Variants in PHAX observed in about 807,000 individuals in gnomAD.
PHAX encodes the protein phosphorylated adapter RNA export protein.
PHAX carries 31 observed loss-of-function variants against 41.6 expected under a neutral mutation model. The ratio of observed to expected loss-of-function variants is 0.75; its 90% CI spans 0.56 to 1.01. The LOEUF is 1.01. PHAX is among the 50% of genes least tolerant of loss of function. The probability of loss-of-function intolerance (pLI) is 0.00; values close to 1 mark genes in which losing one functional copy is unlikely to be tolerated. For synonymous variants in PHAX, 175 were observed against 164.9 expected (o/e 1.06, Z -0.47); for missense variants, 453 against 472.9 (o/e 0.96, Z 0.39).
chr5:126,624,445 T>A (rs367808995), intron 4 of PHAX, 130 bp from the exon 5 acceptor site: 29 of 754,292 alleles, frequency 3.8e-5, no homozygotes, highest in South Asian at 2.1e-4. Context: ...GAACTCCATC[T>A]TAATAATGAG....
chr5:126,602,192 C>G (rs1043786894), intron 1 of PHAX, among the ~76,000 whole-genome samples: 2 of 152,234 alleles, frequency 1.3e-5, no homozygotes, highest in African/African-American at 2.4e-5. Flanking sequence ...AGTGATCCAC[C>G]CGCCTCGGCC....
chr5:126,626,524 G>C lies in PHAX; in HGVS notation c.*1680G>C, dbSNP rs1298220142. Reference sequence around the variant, plus strand: ...GAGGTGGAGGCGGGTGGATCACAAGGTCAAGAGATCGAGACCATCCTGGCC... The same window carrying C: ...GAGGTGGAGGCGGGTGGATCACAAGCTCAAGAGATCGAGACCATCCTGGCC... On this transcript the variant is annotated 3_prime_UTR_variant, in exon 5 of 5. Transcript: ENST00000297540. 6.7e-6 allele frequency: 1 copy of C among 150,172 alleles called. No homozygotes were observed. Among genetic ancestry groups the C allele is most frequent in the Non-Finnish European group, 1.5e-5 (1 of 67,908 alleles). 9.3% of individuals were successfully genotyped at this position (150,172 alleles called of 1,614,324 possible). A position where few individuals can be genotyped will look rare whatever the true frequency, so the allele number is the denominator to read the frequency against.
chr5:126,614,147 G>A (rs1450876427), intron 3 of PHAX, among the ~76,000 whole-genome samples: 2 of 152,030 alleles, frequency 1.3e-5, no homozygotes, highest in Non-Finnish European at 2.9e-5. Flanking sequence ...CACCCAGGGT[G>A]GAGTACAGTG....
intron 3 of PHAX, among the ~76,000 whole-genome samples, chr5:126,611,234 AAT>A (rs139920632): frequency 0.057 from 8,585 of 151,882 alleles, 438 homozygotes; most frequent in African/African-American, 0.14. Flanking sequence ...TTGTATTTTT[AAT>A]AGAGACAGGG....
rs762257311 is a variant in PHAX at position 126,603,966 on chromosome 5, C to A, written c.493C>A (p.Gln165Lys). 1 of 1,613,894 alleles carries A rather than the reference C, an allele frequency of 6.2e-7. No individual in the cohort carries two copies. Among genetic ancestry groups the A allele is most frequent in the Admixed American group, 1.7e-5 (1 of 59,948 alleles). ...LLAKKLRKES[Q>K]EHTKDLDKEL... Reference sequence around the variant, plus strand: ...TGCCAAGAAACTTAGGAAGGAATCTCAAGAGCATACAAAAGATCTAGACAA... The same window carrying A: ...TGCCAAGAAACTTAGGAAGGAATCTAAAGAGCATACAAAAGATCTAGACAA... Residue 165 changes from glutamine to lysine, a missense_variant, in exon 2 of 5, where the codon CAA becomes AAA. Physicochemically the swap from Gln to Lys is moderately conservative, Grantham distance 53 (BLOSUM62 1). Transcript: ENST00000297540.
chr5:126,608,124 A>G (rs1402818660), intron 2 of PHAX, among the ~76,000 whole-genome samples: 1 of 152,234 alleles, frequency 6.6e-6, no homozygotes, highest in Non-Finnish European at 1.5e-5. Flanking sequence ...GAAATCTGCT[A>G]TAATCCAATA....
At chr5:126,615,718 T>C (rs1244576607) in intron 3 of PHAX, among the ~76,000 whole-genome samples, 1 of 152,152 alleles carries the variant, frequency 6.6e-6, no homozygotes, top group African/African-American at 2.4e-5. Flanking sequence ...CAATATGTTT[T>C]CAATAAGGTG....
chr5:126,601,003 C>A lies in PHAX; in HGVS notation c.41C>A (p.Ser14Tyr), dbSNP rs369066227. The change falls in exon 1 of 5, where the codon TCC becomes TAC. Residue 14 changes from serine to tyrosine, a missense_variant. By Grantham distance (144) the Ser-to-Tyr change is moderately radical (BLOSUM62 -2). Transcript: ENST00000297540. ...EVGDMEDGQL[S>Y]DSDSDMTVAP... is the part of the protein sequence containing the mutation. The stretch of plus-strand genomic sequence containing the variant: ...GGCGATATGGAAGATGGGCAGCTTT[C>A]CGACTCGGATTCCGACATGACGGTC... The A allele has an allele frequency of 2.5e-6, 4 of 1,606,096 alleles. No homozygotes were observed. The highest frequency in any genetic ancestry group is 3.4e-6 in the Non-Finnish European group (4 of 1,176,472).
chr5:126,614,999 CT>C (rs374961511), intron 3 of PHAX, among the ~76,000 whole-genome samples: 39 of 152,250 alleles, frequency 2.6e-4, no homozygotes, highest in Admixed American at 5.9e-4. Flanking sequence ...GATCTGCCCA[CT>C]TTGGCCTCCC....
At position 126,608,369 on chromosome 5, in the gene PHAX, A is replaced by G. The variant is rs201253341; in HGVS notation, c.716A>G (p.Gln239Arg). Residue 239 changes from glutamine (Q) to arginine (R), a missense_variant, in exon 3 of 5, where the codon CAG (glutamine) becomes CGG (arginine). Coordinates refer to ENST00000297540, the MANE Select transcript of PHAX (RefSeq NM_032177.4). ...TTTTACTTGTTTCTCATCAGGTTAC[A>G]GGAACCAAAGAAAGACCTGATAGCC... ...KVADEISFRL[Q>R]EPKKDLIARV... The G allele has an allele frequency of 3.7e-6, 6 of 1,613,566 alleles. No individual in the cohort carries two copies. Among genetic ancestry groups the G allele is most frequent in the Non-Finnish European group, 5.1e-6 (6 of 1,179,604 alleles).
chr5:126,606,959 A>G (rs1468705988), intron 2 of PHAX, among the ~76,000 whole-genome samples: 1 of 152,070 alleles, frequency 6.6e-6, no homozygotes, highest in Admixed American at 6.6e-5. Flanking sequence ...ACCTGGCCAT[A>G]TTTTCATTTC....
At chr5:126,606,368 A>G (rs146133958) in intron 2 of PHAX, among the ~76,000 whole-genome samples, 1 of 151,780 alleles carries the variant, frequency 6.6e-6, no homozygotes, top group African/African-American at 2.4e-5. Context: ...GCTAATTTTT[A>G]TATTTTTTAG....
chr5:126,608,392 GC>G lies in PHAX; in HGVS notation c.742del (p.Arg248GlufsTer2), dbSNP rs1752021781. 3 of 1,613,344 alleles carry G rather than the reference GC, an allele frequency of 1.9e-6. No individual in the cohort carries two copies. The highest frequency in any genetic ancestry group is 2.5e-6 in the Non-Finnish European group (3 of 1,179,442). On this transcript the variant is annotated frameshift_variant, in exon 3 of 5. Transcript: ENST00000297540. LOFTEE classifies it high-confidence loss of function. ...RLQEPKKDLIARVVRIIGNKK... is the reference protein window; with the variant it reads ...RLQEPKKDLIXRVVRIIGNKK... ...ACAGGAACCAAAGAAAGACCTGATA[GC>G]CCGAGTAGTGAGGATTATTGGTAAC... is the stretch of plus-strand genomic sequence containing the variant.
intron 3 of PHAX, among the ~76,000 whole-genome samples, chr5:126,613,778 T>TC (rs1442780997): frequency 6.6e-6 from 1 of 151,726 alleles, no homozygotes; most frequent in Non-Finnish European, 1.5e-5. Flanking sequence ...TTTCTTTCTT[T>TC]TTTTTTTTCC....
intron 3 of PHAX, among the ~76,000 whole-genome samples, chr5:126,609,054 C>A (rs2112831636): frequency 6.7e-6 from 1 of 149,496 alleles, no homozygotes. Flanking sequence ...CGTATAGTCA[C>A]CAAAACATTT....
Position 126,601,029 on chromosome 5 carries a change from G to A in PHAX, c.67G>A (p.Ala23Thr). Residue 23 changes from alanine (A) to threonine (T), a missense_variant, in exon 1 of 5, where the codon GCA (alanine) becomes ACA (threonine). By Grantham distance (58) the Ala-to-Thr change is moderately conservative. Transcript: ENST00000297540. The stretch of plus-strand genomic sequence containing the variant: ...CGACTCGGATTCCGACATGACGGTC[G>A]CACCCAGCGACAGGCCGCTGCAATT... ...LSDSDSDMTV[A>T]PSDRPLQLPK... 6.2e-7 allele frequency: 1 copy of A among 1,605,900 alleles called. No individual in the cohort carries two copies. The highest frequency in any genetic ancestry group is 8.5e-7 in the Non-Finnish European group (1 of 1,176,422).
At chr5:126,622,614 T>G (rs148608560) in intron 4 of PHAX, among the ~76,000 whole-genome samples, 10 of 152,122 alleles carry the variant, frequency 6.6e-5, no homozygotes, top group African/African-American at 2.4e-4. Flanking sequence ...TTAATAAGGC[T>G]TGCCATATTT....
intron 2 of PHAX, among the ~76,000 whole-genome samples, chr5:126,607,658 C>G (rs1038841832): frequency 2.6e-5 from 4 of 152,152 alleles, no homozygotes; most frequent in African/African-American, 4.8e-5. Flanking sequence ...CCACCTCGGC[C>G]TCCCAAAATG....
chr5:126,617,197 G>T, intron 3 of PHAX, 53 bp from the exon 4 acceptor site: 1 of 1,122,964 alleles, frequency 8.9e-7, no homozygotes, highest in South Asian at 1.3e-5. Context: ...AAGATGCCTT[G>T]ACCATTTATG....
Sources: gnomAD v4.1 joint callset for allele counts (sites outside exome capture counted in the v4.1 genomes callset) on GRCh38, gnomAD v4.1.1 for gene constraint, MANE v1.5 for transcripts, NCBI Gene and HGNC (gene_info 2026-07-23, HGNC 2026-07-21) for gene names.